ALK: variants seen among roughly 807,000 people sequenced by gnomAD.
ALK encodes ALK tyrosine kinase receptor.
ALK carries 74 observed loss-of-function variants against 163.1 expected under a neutral mutation model. The observed-to-expected ratio is 0.45, with a 90% confidence interval of 0.38 to 0.55. The LOEUF is 0.55. ALK is among the 20% of genes least tolerant of loss of function. The pLI, the probability that ALK is intolerant of heterozygous loss-of-function variation, is 0.00. For missense variants in ALK, 2,063 were observed against 2,105.3 expected (o/e 0.98, Z 0.39); for synonymous variants, 960 against 843.2 (o/e 1.14, Z -2.40).
At chr2:29,887,535 A>G (rs1037027554) in intron 1 of ALK, among the ~76,000 whole-genome samples, 21 of 152,226 alleles carry the variant, frequency 1.4e-4, no homozygotes, top group African/African-American at 5.1e-4. Context: ...GGGGAGGGAC[A>G]TAGAGCCCAT....
chr2:29,899,428 A>G (rs4444478), intron 1 of ALK, among the ~76,000 whole-genome samples: 9,906 of 152,248 alleles, frequency 0.065, 498 homozygotes, highest in East Asian at 0.14. Flanking sequence ...ACCCTGAGGA[A>G]GGCAGAGTAG....
chr2:29,751,250 T>A (rs1039357861), intron 1 of ALK, among the ~76,000 whole-genome samples: 1 of 152,192 alleles, frequency 6.6e-6, no homozygotes, highest in Non-Finnish European at 1.5e-5. Flanking sequence ...GACATTACTG[T>A]ACACTCCTGT....
In ALK at chr2:29,647,775, CTTTTTTTTTTTT is replaced by C. The variant is rs34620705; in HGVS notation, c.952+47063_952+47074del. Among the ~76,000 whole-genome samples the C allele has an allele frequency of 2.0e-4, 23 of 117,210 alleles. No individual in the cohort carries two copies. The South Asian group carries it at 6.5e-3, about 33-fold the overall frequency. The allele number at this position is 117,210 out of a possible 152,430, so 76.9% of individuals were successfully genotyped here. A position where few individuals can be genotyped will look rare whatever the true frequency, so the allele number is the denominator to read the frequency against. On this transcript the variant is annotated intron_variant, in intron 3 of 28. Transcript: ENST00000389048. ...CCATGCACCACGTTCATGATTTTTT[CTTTTTTTTTTTT>C]TTTTTTTGCCACAGTCACATGCCTC...
intron 9 of ALK, among the ~76,000 whole-genome samples, chr2:29,285,588 A>G (rs1386902208): frequency 7.2e-6 from 1 of 139,794 alleles, no homozygotes; most frequent in Non-Finnish European, 1.5e-5. Context: ...TTTGGAATGG[A>G]GTCTCTTTCT....
intron 24 of ALK, among the ~76,000 whole-genome samples, chr2:29,213,398 A>G (rs1276498667): frequency 6.6e-6 from 1 of 152,232 alleles, no homozygotes; most frequent in African/African-American, 2.4e-5. Flanking sequence ...GTATCCAACA[A>G]ACATTGTGTC....
At chr2:29,399,928 G>A (rs139236377) in intron 4 of ALK, among the ~76,000 whole-genome samples, 25 of 152,182 alleles carry the variant, frequency 1.6e-4, no homozygotes, top group Admixed American at 2.0e-4. Flanking sequence ...CCATTTTTTC[G>A]ATAGGAAAAG....
chr2:29,484,880 G>C (rs922569894), intron 4 of ALK, among the ~76,000 whole-genome samples: 1 of 149,374 alleles, frequency 6.7e-6, no homozygotes. Context: ...TGTTATTTTT[G>C]TTGTTGTTGC....
intron 4 of ALK, among the ~76,000 whole-genome samples, chr2:29,469,947 G>A (rs1419794446): frequency 6.6e-6 from 1 of 152,104 alleles, no homozygotes; most frequent in Admixed American, 6.5e-5. Flanking sequence ...AGACCTTGAA[G>A]TCTGATATTG....
At chr2:29,634,198 A>T (rs1028131718) in intron 3 of ALK, among the ~76,000 whole-genome samples, 1 of 152,154 alleles carries the variant, frequency 6.6e-6, no homozygotes, top group South Asian at 2.1e-4. Flanking sequence ...TCCCGGTTCA[A>T]GTGATTCTCC....
chr2:29,732,116 AT>A (rs1029752073), intron 1 of ALK, among the ~76,000 whole-genome samples: 1 of 152,238 alleles, frequency 6.6e-6, no homozygotes, highest in African/African-American at 2.4e-5. Context: ...CATTGCTACA[AT>A]AGGGAGAAAA....
intron 1 of ALK, among the ~76,000 whole-genome samples, chr2:29,791,887 C>T (rs77043615): frequency 0.016 from 2,452 of 152,214 alleles, 77 homozygotes; most frequent in African/African-American, 0.057. Flanking sequence ...AGGATTTTCT[C>T]TAAACAATCG....
intron 5 of ALK, among the ~76,000 whole-genome samples, chr2:29,333,905 C>T (rs1667530883): frequency 6.6e-6 from 1 of 152,190 alleles, no homozygotes. Flanking sequence ...AGCCACTGCA[C>T]CCAGCCTGAA....
intron 2 of ALK, among the ~76,000 whole-genome samples, chr2:29,711,801 G>C (rs1001157119): frequency 6.6e-6 from 1 of 152,174 alleles, no homozygotes; most frequent in African/African-American, 2.4e-5. Flanking sequence ...CTTTCCCTGT[G>C]TGTCTCTCTC....
chr2:29,221,263 C>T lies in ALK; in HGVS notation c.3516-428G>A, dbSNP rs369145904. ...CTGGGTGAGACTTGCCAAGTGACAG[C>T]GTGTGAAACAGAGCCAGCAAAAGGG... On this transcript the variant is annotated intron_variant, in intron 22 of 28. Coordinates refer to ENST00000389048, the MANE Select transcript of ALK (RefSeq NM_004304.5). 9.4e-5 allele frequency: 49 copies of T among 522,326 alleles called. 1 individual carries two copies. Among genetic ancestry groups the T allele is most frequent in the East Asian group, 7.9e-4 (18 of 22,872 alleles). The allele number at this position is 522,326 out of a possible 1,614,324, so 32.4% of individuals were successfully genotyped here. A position where few individuals can be genotyped will look rare whatever the true frequency, so the allele number is the denominator to read the frequency against.
rs139599766 is a variant in ALK at position 29,619,661 on chromosome 2, G to A, written c.952+75189C>T. The stretch of plus-strand genomic sequence containing the variant: ...ACTGAGAACTTAGCCCCGATGGATC[G>A]TATGCTGTGTCCCAGGAAAATGGAT... On this transcript the variant is annotated intron_variant, in intron 3 of 28. Transcript: ENST00000389048. Among the ~76,000 whole-genome samples the A allele has an allele frequency of 2.4e-3, 361 of 152,300 alleles. 4 individuals carry two copies. The East Asian group carries it at 0.054, about 23-fold the overall frequency.
At chr2:29,425,007 A>G (rs1235153529) in intron 4 of ALK, among the ~76,000 whole-genome samples, 1 of 152,208 alleles carries the variant, frequency 6.6e-6, no homozygotes, top group Non-Finnish European at 1.5e-5. Flanking sequence ...AGAGAGAGAA[A>G]AATAAAGAAT....
At chr2:29,309,565 A>C (rs1424422094) in intron 8 of ALK, among the ~76,000 whole-genome samples, 1 of 152,170 alleles carries the variant, frequency 6.6e-6, no homozygotes, top group East Asian at 1.9e-4. Context: ...CTTAACAGGC[A>C]GTGGTGATAG....
At chr2:29,527,931 C>T (rs527674795) in intron 4 of ALK, among the ~76,000 whole-genome samples, 5 of 152,214 alleles carry the variant, frequency 3.3e-5, no homozygotes, top group African/African-American at 1.2e-4. Context: ...CCCGTATCTT[C>T]CGGGTCTAGG....
intron 1 of ALK, among the ~76,000 whole-genome samples, chr2:29,738,824 T>A (rs1416974810): frequency 6.6e-6 from 1 of 152,058 alleles, no homozygotes; most frequent in Non-Finnish European, 1.5e-5. Flanking sequence ...AAACTCAGAA[T>A]GAAACCATAG....
Sources: allele counts gnomAD v4.1 joint callset (sites outside exome capture counted in the v4.1 genomes callset), GRCh38; gene constraint gnomAD v4.1.1; transcripts MANE v1.5; gene names NCBI Gene and HGNC (gene_info 2026-07-23, HGNC 2026-07-21).